The following ITPR1 variants were observed in gnomAD, a reference collection of about 807,000 sequenced individuals.
The protein encoded by ITPR1 is inositol 1,4,5-trisphosphate receptor type 1, also known as inositol 1,4,5-trisphosphate-gated calcium channel ITPR1.
A neutral mutation model predicts 318.4 loss-of-function variants in ITPR1; 96 were observed. The observed-to-expected ratio is 0.30, with a 90% CI of 0.26 to 0.36. ITPR1 has a LOEUF of 0.36. Among genes scored for constraint, ITPR1 ranks in the 10% least tolerant of loss-of-function variants. The probability of loss-of-function intolerance (pLI) is 1.00; values close to 1 mark genes in which losing one functional copy is unlikely to be tolerated. For synonymous variants in ITPR1, 1,312 were observed against 1,289.9 expected, an observed-to-expected ratio of 1.02 and a Z score of -0.37; for missense variants, 2,440 against 3,460.2, an observed-to-expected ratio of 0.71 and a Z score of 7.40.
At chr3:4,501,559 G>A (rs1037947812) in intron 2 of ITPR1, among the ~76,000 whole-genome samples, 12 of 152,338 alleles carry the variant, frequency 7.9e-5, no homozygotes, top group African/African-American at 1.9e-4. Flanking sequence ...TTCAGTCCTT[G>A]TCATTTAGTG....
Position 4,644,339 on chromosome 3 carries a change from GGCAGGGTGCCCATTCT to G in ITPR1, c.624+111_624+126del, listed in dbSNP as rs1351449491. On this transcript the variant is annotated intron_variant, in intron 8 of 61. Transcript: ENST00000649015. The stretch of plus-strand genomic sequence containing the variant: ...GAGAGTGACTTCAGCAGTGACTTGG[GGCAGGGTGCCCATTCT>G]GCAGGTGAAGAAACAGGCCCAGGGT... 3 of 734,444 alleles carry G rather than the reference GGCAGGGTGCCCATTCT, an allele frequency of 4.1e-6. No homozygotes were observed. The East Asian group carries it at 8.5e-5, about 21-fold the overall frequency. 45.5% of individuals were successfully genotyped at this position (734,444 alleles called of 1,614,324 possible).
chr3:4,529,664 C>T (rs2083259270), intron 4 of ITPR1, among the ~76,000 whole-genome samples: 1 of 152,176 alleles, frequency 6.6e-6, no homozygotes, highest in South Asian at 2.1e-4. Context: ...CTCACACTGT[C>T]TTTTAGGCTT....
chr3:4,793,118 C>T (rs1266060927), intron 52 of ITPR1, among the ~76,000 whole-genome samples: 2 of 152,134 alleles, frequency 1.3e-5, no homozygotes, highest in East Asian at 1.9e-4. Flanking sequence ...TGGATAAATA[C>T]CTAGTTGATT....
chr3:4,524,301 GTTTT>G (rs56380229), intron 4 of ITPR1, among the ~76,000 whole-genome samples: 5 of 73,484 alleles, frequency 6.8e-5, no homozygotes, highest in African/African-American at 2.2e-4. Context: ...ATACTTTGAC[GTTTT>G]TTTTTTTTTT....
At chr3:4,677,520 A>G (rs2094208708) in intron 24 of ITPR1, among the ~76,000 whole-genome samples, 1 of 152,184 alleles carries the variant, frequency 6.6e-6, no homozygotes, top group African/African-American at 2.4e-5. Flanking sequence ...AGGGTATCTG[A>G]GGCAGAGGGA....
rs1576000913 is a variant in ITPR1, at chr3:4,667,470, C to T, written c.1807C>T (p.Arg603Trp). Residue 603 changes from arginine (R) to tryptophan (W), a missense_variant, in exon 18 of 62, where the codon CGG (arginine) becomes TGG (tryptophan). Arg to Trp is a moderately radical substitution (Grantham distance 101). This residue lies in a region of ITPR1 where 478 missense variants were observed against 696.3 expected (regional missense o/e 0.69). Transcript: ENST00000649015. ...DTITALLHNN[R>W]KLLEKHITAA... ...TATCACTGCCCTGCTCCACAATAAT[C>T]GGAAACTCCTGGAAAAACACATTAC... The T allele has an allele frequency of 1.2e-6, 2 of 1,613,762 alleles. No homozygotes were observed. The highest frequency in any genetic ancestry group is 1.7e-6 in the Non-Finnish European group (2 of 1,179,786).
intron 4 of ITPR1, among the ~76,000 whole-genome samples, chr3:4,525,995 G>T (rs138530075): frequency 4.7e-4 from 71 of 152,298 alleles, no homozygotes; most frequent in African/African-American, 1.6e-3. Flanking sequence ...CAAGGGAACT[G>T]GGCTTTTGGG....
At chr3:4,607,314 T>C (rs2125092347) in intron 4 of ITPR1, among the ~76,000 whole-genome samples, 1 of 152,276 alleles carries the variant, frequency 6.6e-6, no homozygotes, top group East Asian at 1.9e-4. Context: ...TTGTTAGAAT[T>C]CAGTTATCCT....
Position 4,525,887 on chromosome 3 carries a change from C to T in ITPR1, c.163+4793C>T, listed in dbSNP as rs143078729. On this transcript the variant is annotated intron_variant, in intron 4 of 61. Transcript: ENST00000649015. The stretch of plus-strand genomic sequence containing the variant: ...CCGGTGCTAAATATAAAGATATCTA[C>T]AAAGAAAAGGTGGAAACTAACAACC... Among the ~76,000 whole-genome samples the T allele has an allele frequency of 3.8e-4, 58 of 152,264 alleles. 1 individual carries two copies. The highest frequency in any genetic ancestry group is 1.3e-3 in the African/African-American group (54 of 41,558).
At chr3:4,733,692 C>G (rs930956287) in intron 43 of ITPR1, among the ~76,000 whole-genome samples, 2 of 152,176 alleles carry the variant, frequency 1.3e-5, no homozygotes, top group African/African-American at 4.8e-5. Context: ...TAGGTACAGT[C>G]TATCCCAGTT....
At chr3:4,581,643 A>G (rs2125052115) in intron 4 of ITPR1, among the ~76,000 whole-genome samples, 1 of 152,352 alleles carries the variant, frequency 6.6e-6, no homozygotes, top group African/African-American at 2.4e-5. Flanking sequence ...AAGTGCTAAA[A>G]ATAACCAAAT....
chr3:4,598,954 A>G (rs1409026082), intron 4 of ITPR1, among the ~76,000 whole-genome samples: 3 of 151,382 alleles, frequency 2.0e-5, no homozygotes, highest in Non-Finnish European at 2.9e-5. Flanking sequence ...GGCTTCCAGA[A>G]CTAAAGGTCA....
At chr3:4,639,181 G>A (rs1017529617) in intron 5 of ITPR1, among the ~76,000 whole-genome samples, 4 of 152,100 alleles carry the variant, frequency 2.6e-5, no homozygotes, top group African/African-American at 9.7e-5. Flanking sequence ...TTTAAAGAAG[G>A]CAAAAAGGCC....
intron 51 of ITPR1, among the ~76,000 whole-genome samples, chr3:4,784,224 G>A (rs956934605): frequency 7.9e-5 from 12 of 152,012 alleles, no homozygotes; most frequent in Admixed American, 4.6e-4. Context: ...TGGTCACAGA[G>A]GCCTAGTCTG....
At chr3:4,590,212 C>G (rs1218610906) in intron 4 of ITPR1, among the ~76,000 whole-genome samples, 1 of 120,306 alleles carries the variant, frequency 8.3e-6, no homozygotes, top group African/African-American at 3.2e-5. Context: ...ATAGCAGGTA[C>G]TACTCTCAAC....
intron 6 of ITPR1, among the ~76,000 whole-genome samples, chr3:4,641,253 CT>C (rs2093331572): frequency 6.6e-6 from 1 of 152,252 alleles, no homozygotes; most frequent in East Asian, 1.9e-4. Flanking sequence ...TATATCCCCT[CT>C]AGGTCTTCAG....
At chr3:4,573,711 G>A (rs1053007805) in intron 4 of ITPR1, among the ~76,000 whole-genome samples, 2 of 152,146 alleles carry the variant, frequency 1.3e-5, no homozygotes, top group African/African-American at 2.4e-5. Context: ...CTCCACCTGG[G>A]TGTCTGTATT....
At position 4,735,327 on chromosome 3, in the gene ITPR1, T is replaced by C. The variant is rs1161649333; in HGVS notation, c.5517T>C (p.Leu1839=). The part of the protein sequence containing the change: ...FHESILLAIA[L]LEGGNTTIQH... ...AAAGCATTCTCCTGGCCATTGCCCT[T>C]CTGGAAGGAGGCAACACCACCATCC... The change falls in exon 44 of 62, where the codon CTT becomes CTC. Residue 1839 remains leucine (L), a synonymous_variant. Transcript: ENST00000649015. 6.2e-7 allele frequency: 1 copy of C among 1,613,952 alleles called. No individual in the cohort carries two copies. The highest frequency in any genetic ancestry group is 1.7e-5 in the Admixed American group (1 of 60,018).
chr3:4,609,069 T>C (rs2091913637), intron 4 of ITPR1, among the ~76,000 whole-genome samples: 1 of 91,532 alleles, frequency 1.1e-5, no homozygotes, highest in Non-Finnish European at 2.2e-5. Context: ...TATATATATA[T>C]ATATATATAT....
Sources: allele counts gnomAD v4.1 joint callset (sites outside exome capture counted in the v4.1 genomes callset), GRCh38; gene constraint gnomAD v4.1.1; regional missense constraint gnomAD v4.1.1; transcripts MANE v1.5; gene names NCBI Gene and HGNC (gene_info 2026-07-23, HGNC 2026-07-21).